PTPRR: variants seen among roughly 807,000 people sequenced by gnomAD.
PTPRR encodes the protein receptor-type tyrosine-protein phosphatase R.
In PTPRR, 38 loss-of-function variants were observed where a neutral mutation model predicts 77.2. The observed-to-expected ratio is 0.49, with a 90% CI of 0.38 to 0.65. The LOEUF (loss-of-function observed/expected upper bound fraction) is 0.65, where lower values mean the gene tolerates loss of function less well. Ranked by LOEUF, PTPRR falls within the 30% of genes least tolerant of loss-of-function variation. The pLI, the probability that PTPRR is intolerant of heterozygous loss-of-function variation, is 0.00. For synonymous variants in PTPRR, 299 were observed against 283.1 expected (o/e 1.06, Z -0.57); for missense variants, 744 against 799.2 (o/e 0.93, Z 0.83).
At chr12:70,651,989 T>C (rs554683906) in intron 13 of PTPRR, among the ~76,000 whole-genome samples, 1 of 152,188 alleles carries the variant, frequency 6.6e-6, no homozygotes, top group Admixed American at 6.5e-5. Context: ...TTGAAGACCA[T>C]GGTGAAGAGT....
chr12:70,661,313 T>C, intron 11 of PTPRR: 1 of 626,086 alleles, frequency 1.6e-6, no homozygotes, highest in Non-Finnish European at 2.9e-6. Context: ...ATACCTTTGT[T>C]GAGATTTACA....
chr12:70,673,016 T>G, intron 10 of PTPRR: 1 of 1,008,730 alleles, frequency 9.9e-7, no homozygotes, highest in Non-Finnish European at 1.2e-6. Flanking sequence ...CTTCAATAAA[T>G]ACGTCGGGCC....
At chr12:70,687,939 C>T (rs901546456) in intron 8 of PTPRR, among the ~76,000 whole-genome samples, 10 of 152,128 alleles carry the variant, frequency 6.6e-5, no homozygotes, top group African/African-American at 1.9e-4. Flanking sequence ...AATGTAGACC[C>T]TATGGAGATG....
At chr12:70,789,835 G>T (rs999733218) in intron 2 of PTPRR, among the ~76,000 whole-genome samples, 1 of 152,108 alleles carries the variant, frequency 6.6e-6, no homozygotes, top group Non-Finnish European at 1.5e-5. Flanking sequence ...ATAGGGCAGT[G>T]TTAAGGGTAT....
chr12:70,660,488 T>TG lies in PTPRR; in HGVS notation c.1766+451dup, dbSNP rs535112275. On this transcript the variant is annotated intron_variant, in intron 12 of 13. Transcript: ENST00000283228. ...GGAGATAACTCTTAAAATAATTGAC[T>TG]GGTTTTCACCAAACTTGAAATAGTA... Among the ~76,000 whole-genome samples the TG allele has an allele frequency of 1.7e-4, 26 of 152,342 alleles. No homozygotes were observed. In the South Asian group the frequency reaches 3.9e-3, roughly 23 times the overall value.
intron 2 of PTPRR, among the ~76,000 whole-genome samples, chr12:70,817,347 G>T (rs1024171011): frequency 8.6e-5 from 13 of 152,006 alleles, no homozygotes; most frequent in African/African-American, 2.9e-4. Context: ...AATGGATAAG[G>T]TCTGTATATT....
At chr12:70,836,608 C>G (rs759367788) in intron 2 of PTPRR, among the ~76,000 whole-genome samples, 2 of 151,994 alleles carry the variant, frequency 1.3e-5, no homozygotes, top group African/African-American at 2.4e-5. Flanking sequence ...GTTCAACTCA[C>G]ACTGACCTTG....
At chr12:70,661,800 T>C (rs982097570) in intron 11 of PTPRR, among the ~76,000 whole-genome samples, 2 of 152,182 alleles carry the variant, frequency 1.3e-5, no homozygotes, top group African/African-American at 4.8e-5. Flanking sequence ...GCCTTCCTAT[T>C]CCAAACTTCC....
At chr12:70,680,358 C>T (rs1887609372) in intron 10 of PTPRR, among the ~76,000 whole-genome samples, 1 of 152,154 alleles carries the variant, frequency 6.6e-6, no homozygotes, top group African/African-American at 2.4e-5. Context: ...GAATGGTCAA[C>T]TCTTTTAATT....
At chr12:70,728,092 G>A (rs985254366) in intron 6 of PTPRR, among the ~76,000 whole-genome samples, 4 of 151,504 alleles carry the variant, frequency 2.6e-5, no homozygotes, top group African/African-American at 9.7e-5. Flanking sequence ...ATAATCCATA[G>A]CTAGCCATGA....
At position 70,693,019 on chromosome 12, in the gene PTPRR, T is replaced by G. The variant is rs77939625; in HGVS notation, c.1279+5246A>C. Among the ~76,000 whole-genome samples the G allele has an allele frequency of 0.011, 1,664 of 152,270 alleles. 80 individuals are homozygous for G. The East Asian group carries it at 0.14, about 13-fold the overall frequency. ...AGTTAAAGCCCTGTTTTTGACTTTCTAGATATTTTTTTCTTTTCTTAGCAA... is the reference window on the plus strand; with the variant it reads ...AGTTAAAGCCCTGTTTTTGACTTTCGAGATATTTTTTTCTTTTCTTAGCAA... On this transcript the variant is annotated intron_variant, in intron 8 of 13. Transcript: ENST00000283228.
chr12:70,668,541 G>A (rs766921856), intron 10 of PTPRR, among the ~76,000 whole-genome samples: 26 of 152,120 alleles, frequency 1.7e-4, no homozygotes, highest in Non-Finnish European at 2.6e-4. Flanking sequence ...AATTATAAAT[G>A]ATAGAGAAGA....
intron 12 of PTPRR, among the ~76,000 whole-genome samples, chr12:70,658,917 TAAGAC>T (rs1409338131): frequency 9.5e-6 from 1 of 105,364 alleles, no homozygotes; most frequent in Non-Finnish European, 1.8e-5. Context: ...TTTTTTTTTA[TAAGAC>T]AGAGTCTTTC....
chr12:70,671,972 T>C, intron 10 of PTPRR: 1 of 1,213,972 alleles, frequency 8.2e-7, no homozygotes, highest in Non-Finnish European at 1.2e-6. Context: ...GGCTCAGAAG[T>C]GGCCCTTTCA....
intron 6 of PTPRR, among the ~76,000 whole-genome samples, chr12:70,734,883 C>T (rs1434398780): frequency 6.6e-6 from 1 of 152,128 alleles, no homozygotes; most frequent in African/African-American, 2.4e-5. Context: ...TATGTTGGCT[C>T]CTGTTTTACT....
chr12:70,840,097 AC>A (rs1359912966), intron 2 of PTPRR, among the ~76,000 whole-genome samples: 3 of 152,126 alleles, frequency 2.0e-5, no homozygotes, highest in Non-Finnish European at 2.9e-5. Flanking sequence ...TACAGATATA[AC>A]TTATAGCTCT....
At chr12:70,647,063 T>A (rs923210154) in intron 13 of PTPRR, among the ~76,000 whole-genome samples, 3 of 152,134 alleles carry the variant, frequency 2.0e-5, no homozygotes, top group Admixed American at 6.5e-5. Context: ...AAGTGAGGCC[T>A]TTGGATGTCA....
At chr12:70,642,477 C>A (rs1397818173) in intron 13 of PTPRR, among the ~76,000 whole-genome samples, 2 of 152,068 alleles carry the variant, frequency 1.3e-5, no homozygotes, top group Non-Finnish European at 2.9e-5. Flanking sequence ...TTATCTAAGG[C>A]ATTATTAAAA....
At chr12:70,861,713 T>C (rs1239396837) in intron 2 of PTPRR, among the ~76,000 whole-genome samples, 1 of 152,070 alleles carries the variant, frequency 6.6e-6, no homozygotes, top group Non-Finnish European at 1.5e-5. Context: ...ATACCCATTC[T>C]CCTCATACCA....
Sources: allele counts gnomAD v4.1 joint callset (sites outside exome capture counted in the v4.1 genomes callset), GRCh38; gene constraint gnomAD v4.1.1; transcripts MANE v1.5; gene names NCBI Gene and HGNC (gene_info 2026-07-23, HGNC 2026-07-21).